The following SLIT3 variants were observed in gnomAD, a reference collection of about 807,000 sequenced individuals.
The protein encoded by SLIT3 is slit guidance ligand 3.
Under a neutral mutation model 184.0 loss-of-function variants are expected in SLIT3, and 68 were observed. The observed-to-expected ratio is 0.37, with a 90% confidence interval of 0.30 to 0.45. The LOEUF (loss-of-function observed/expected upper bound fraction) is 0.45. Among genes scored for constraint, SLIT3 ranks in the 20% least tolerant of loss-of-function variants. The pLI is 1.00. For synonymous variants in SLIT3, 831 were observed against 828.6 expected (o/e 1.00, Z -0.05); for missense variants, 1,707 against 2,026.0 (o/e 0.84, Z 3.02).
chr5:168,832,863 G>A (rs1257219790), intron 6 of SLIT3, among the ~76,000 whole-genome samples: 1 of 152,172 alleles, frequency 6.6e-6, no homozygotes, highest in African/African-American at 2.4e-5. Context: ...GGCTGGATCT[G>A]GCTTGCAGGT....
chr5:168,736,949 T>A (rs1157732003), intron 20 of SLIT3, among the ~76,000 whole-genome samples: 1 of 152,188 alleles, frequency 6.6e-6, no homozygotes. Context: ...ATGGGAATAA[T>A]GACACTTGCC....
chr5:168,871,987 A>G (rs187806271), intron 5 of SLIT3, among the ~76,000 whole-genome samples: 5 of 152,242 alleles, frequency 3.3e-5, no homozygotes, highest in Admixed American at 3.3e-4. Context: ...GGGTCTTTGG[A>G]CCACTGGTCT....
chr5:168,735,683 C>G (rs1763414091), intron 20 of SLIT3, among the ~76,000 whole-genome samples: 1 of 149,996 alleles, frequency 6.7e-6, no homozygotes, highest in South Asian at 2.3e-4. Context: ...CACACACACA[C>G]ACACACACAC....
At chr5:168,828,975 C>T (rs1015712833) in intron 6 of SLIT3, among the ~76,000 whole-genome samples, 1 of 152,156 alleles carries the variant, frequency 6.6e-6, no homozygotes, top group Non-Finnish European at 1.5e-5. Context: ...TAGGAAGAAG[C>T]CTAAACTCTG....
intron 4 of SLIT3, among the ~76,000 whole-genome samples, chr5:169,061,681 C>T (rs1758178184): frequency 1.3e-5 from 2 of 152,128 alleles, no homozygotes; most frequent in Admixed American, 1.3e-4. Flanking sequence ...AAGCCATGCA[C>T]GATGCAGCGC....
At chr5:169,153,082 C>A (rs1037063558) in intron 4 of SLIT3, among the ~76,000 whole-genome samples, 2 of 152,204 alleles carry the variant, frequency 1.3e-5, no homozygotes, top group African/African-American at 4.8e-5. Flanking sequence ...TTCACATTTC[C>A]CATAGTGTGT....
intron 27 of SLIT3, 51 bp downstream of exon 27, chr5:168,700,531 C>A: frequency 8.1e-7 from 1 of 1,241,708 alleles, no homozygotes; most frequent in Non-Finnish European, 1.2e-6. Flanking sequence ...TCTTTATTAG[C>A]AGTGTGAGAG....
intron 1 of SLIT3, among the ~76,000 whole-genome samples, chr5:169,299,555 C>A (rs1049802370): frequency 2.6e-5 from 4 of 152,150 alleles, no homozygotes; most frequent in Non-Finnish European, 5.9e-5. Flanking sequence ...AGGCTTCCCA[C>A]CCACTCCAGC....
At chr5:169,253,843 T>C (rs1008266371) in intron 1 of SLIT3, among the ~76,000 whole-genome samples, 2 of 152,210 alleles carry the variant, frequency 1.3e-5, no homozygotes, top group Non-Finnish European at 2.9e-5. Context: ...ATCTATTTTG[T>C]GGCTGACAAA....
chr5:169,188,753 A>G (rs1221819661), intron 4 of SLIT3, among the ~76,000 whole-genome samples: 1 of 152,172 alleles, frequency 6.6e-6, no homozygotes, highest in Admixed American at 6.5e-5. Context: ...ATTTTCCCCC[A>G]GATAATTCCC....
At chr5:169,169,688 T>C (rs544817116) in intron 4 of SLIT3, among the ~76,000 whole-genome samples, 70 of 152,294 alleles carry the variant, frequency 4.6e-4, no homozygotes, top group African/African-American at 1.5e-3. Context: ...CACCCCAAAT[T>C]ACTTGCCAGC....
At chr5:169,116,413 A>G (rs138684408) in intron 4 of SLIT3, among the ~76,000 whole-genome samples, 64 of 152,280 alleles carry the variant, frequency 4.2e-4, no homozygotes, top group African/African-American at 1.3e-3. Context: ...ATCATTGGCA[A>G]TAGGGAGCCT....
Position 168,666,468 on chromosome 5 carries a change from G to A in SLIT3, c.4558C>T (p.Leu1520Phe), listed in dbSNP as rs779367410. The change falls in exon 36 of 36, where the codon CTC becomes TTC. Residue 1520 changes from leucine to phenylalanine, a missense_variant. This residue lies in a region of SLIT3 where 387 missense variants were observed against 477.9 expected (regional missense o/e 0.81). Coordinates refer to ENST00000519560, the MANE Select transcript of SLIT3 (RefSeq NM_003062.4). ...EVERHLECGC[L>F]ACS ...CGGGCAGGGGCTTAGGAACACGCGA[G>A]GCAGCCGCACTCTAAGTGTCTCTCC... 8 of 1,575,850 alleles carry A rather than the reference G, an allele frequency of 5.1e-6. No homozygotes were observed. The highest frequency in any genetic ancestry group is 3.5e-5 in the South Asian group (3 of 86,228).
intron 4 of SLIT3, among the ~76,000 whole-genome samples, chr5:169,015,808 C>T (rs1756339987): frequency 6.6e-6 from 1 of 151,892 alleles, no homozygotes. Context: ...GTGGTACTTG[C>T]CTATAGTCCC....
intron 4 of SLIT3, among the ~76,000 whole-genome samples, chr5:168,991,976 A>C (rs550359483): frequency 6.6e-6 from 1 of 152,366 alleles, no homozygotes; most frequent in East Asian, 1.9e-4. Flanking sequence ...TAATTTAAAA[A>C]GCAAAGTAAA....
At chr5:169,042,647 T>C (rs1287714758) in intron 4 of SLIT3, among the ~76,000 whole-genome samples, 1 of 152,234 alleles carries the variant, frequency 6.6e-6, no homozygotes, top group African/African-American at 2.4e-5. Context: ...CACTAGCTCC[T>C]TTGACTCAGA....
intron 5 of SLIT3, among the ~76,000 whole-genome samples, chr5:168,870,834 C>G (rs1759488504): frequency 6.6e-6 from 1 of 152,118 alleles, no homozygotes; most frequent in African/African-American, 2.4e-5. Context: ...TCTTGAAGCA[C>G]CAGAGTTTCT....
At chr5:168,899,580 T>C (rs1760797383) in intron 4 of SLIT3, among the ~76,000 whole-genome samples, 2 of 152,200 alleles carry the variant, frequency 1.3e-5, no homozygotes, top group African/African-American at 4.8e-5. Flanking sequence ...ACTACTGTTG[T>C]GGATCCCTTC....
intron 4 of SLIT3, among the ~76,000 whole-genome samples, chr5:169,131,428 G>A (rs886548858): frequency 6.6e-6 from 1 of 152,174 alleles, no homozygotes; most frequent in African/African-American, 2.4e-5. Flanking sequence ...AAGTACTGCC[G>A]GTTATTCTGA....
Sources: allele counts gnomAD v4.1 joint callset (sites outside exome capture counted in the v4.1 genomes callset), GRCh38; gene constraint gnomAD v4.1.1; regional missense constraint gnomAD v4.1.1; transcripts MANE v1.5; gene names NCBI Gene and HGNC (gene_info 2026-07-23, HGNC 2026-07-21).